Variants in PLIN3 observed in about 807,000 individuals in gnomAD.
The protein encoded by PLIN3 is perilipin-3.
A neutral mutation model predicts 35.9 loss-of-function variants in PLIN3; 30 were observed. That is an observed-to-expected ratio of 0.84 (90% CI 0.62 to 1.13). The LOEUF (loss-of-function observed/expected upper bound fraction) is 1.13, where lower values mean the gene tolerates loss of function less well. Ranked by LOEUF, PLIN3 falls within the 50% of genes most tolerant of loss-of-function variation. The pLI is 0.00. For synonymous variants in PLIN3, 261 were observed against 262.5 expected, an observed-to-expected ratio of 0.99 and a Z score of 0.06; for missense variants, 603 against 596.9, an observed-to-expected ratio of 1.01 and a Z score of -0.11.
At chr19:4,849,859 G>A (rs1003135816) in intron 5 of PLIN3, among the ~76,000 whole-genome samples, 4 of 151,374 alleles carry the variant, frequency 2.6e-5, no homozygotes, top group African/African-American at 9.7e-5. Flanking sequence ...CACCATGTTG[G>A]CCAGGCTGGT....
At chr19:4,862,105 A>AT (rs2030695638) in intron 1 of PLIN3, among the ~76,000 whole-genome samples, 2 of 144,428 alleles carry the variant, frequency 1.4e-5, no homozygotes, top group African/African-American at 5.1e-5. Context: ...CGCCTACTTA[A>AT]TTTTTTCTTT....
intron 4 of PLIN3, among the ~76,000 whole-genome samples, chr19:4,854,413 GTTTTT>G (rs35915790): frequency 2.5e-4 from 35 of 139,918 alleles, no homozygotes; most frequent in Admixed American, 6.6e-4. Context: ...TTTTGTTTTT[GTTTTT>G]TTTTACAGAG....
Position 4,861,322 on chromosome 19 carries a change from T to C in PLIN3, c.66+7A>G. 6.2e-7 allele frequency: 1 copy of C among 1,613,072 alleles called. No homozygotes were observed. The highest frequency in any genetic ancestry group is 1.1e-5 in the South Asian group (1 of 91,060). On this transcript the variant is annotated splice_region_variant and intron_variant, in intron 2 of 7. Transcript: ENST00000221957. ...CGGGGCAGTCCCTGGTCCCGGCCCT[T>C]CCTCACCTGCTGTACCGGTTCTTCC...
intron 7 of PLIN3, among the ~76,000 whole-genome samples, chr19:4,840,089 TCC>T (rs1396211352): frequency 2.0e-5 from 3 of 149,360 alleles, no homozygotes; most frequent in African/African-American, 7.4e-5. Context: ...TACCTCAGCC[TCC>T]CGAATAGCTA....
At chr19:4,849,894 A>G (rs2030230027) in intron 5 of PLIN3, among the ~76,000 whole-genome samples, 1 of 151,684 alleles carries the variant, frequency 6.6e-6, no homozygotes, top group Non-Finnish European at 1.5e-5. Flanking sequence ...CATGTGATCC[A>G]GCTGCCTCAG....
intron 5 of PLIN3, among the ~76,000 whole-genome samples, chr19:4,850,461 C>T (rs140026535): frequency 6.6e-6 from 1 of 151,924 alleles, no homozygotes; most frequent in African/African-American, 2.4e-5. Context: ...AGCTCTATTG[C>T]CCAGGCTGGA....
At chr19:4,842,112 G>A (rs928566910) in intron 7 of PLIN3, among the ~76,000 whole-genome samples, 1 of 151,414 alleles carries the variant, frequency 6.6e-6, no homozygotes, top group African/African-American at 2.4e-5. Flanking sequence ...CCAACATGGT[G>A]AGACCCCATC....
chr19:4,847,076 G>A (rs1279714809), intron 6 of PLIN3, among the ~76,000 whole-genome samples: 3 of 152,008 alleles, frequency 2.0e-5, no homozygotes, highest in East Asian at 1.9e-4. Context: ...TTTTAGTAGA[G>A]ATGGGGTTTC....
Position 4,856,634 on chromosome 19 carries a change from G to T in PLIN3, c.348+2956C>A, listed in dbSNP as rs1419089621. ...ACTGGACACAGCCACAAAGCAGGCAGCCTGTGCCCTGGTCCCAGCTGGGGA... is the reference window on the plus strand; with the variant it reads ...ACTGGACACAGCCACAAAGCAGGCATCCTGTGCCCTGGTCCCAGCTGGGGA... On this transcript the variant is annotated intron_variant, in intron 4 of 7. Transcript: ENST00000221957. 2.0e-5 allele frequency among the ~76,000 whole-genome samples: 3 copies of T among 151,640 alleles called. No individual in the cohort carries two copies. The East Asian group carries it at 5.8e-4, about 29-fold the overall frequency.
rs770818599 is a variant in PLIN3 at position 4,839,368 on chromosome 19, G to C, written c.1129C>G (p.His377Asp). The change falls in exon 8 of 8, where the codon CAC becomes GAC. Residue 377 changes from histidine (H) to aspartate (D), a missense_variant. Physicochemically the swap from His to Asp is moderately conservative, Grantham distance 81. Transcript: ENST00000221957. ...EDLQATFSSI[H>D]SFQDLSSSIL... ...CTGCTGGACAGGTCCTGGAAGGAGT[G>C]GATGCTGGAAAACGTGGCCTGGAGG... The C allele has an allele frequency of 1.2e-6, 2 of 1,613,558 alleles. No individual in the cohort carries two copies. Among genetic ancestry groups the C allele is most frequent in the South Asian group, 2.2e-5 (2 of 91,078 alleles).
chr19:4,852,679 T>G (rs1356622900), intron 4 of PLIN3, among the ~76,000 whole-genome samples: 4 of 152,054 alleles, frequency 2.6e-5, no homozygotes, highest in Non-Finnish European at 4.4e-5. Context: ...CTTGCTCTCT[T>G]GCCCAGGCTG....
At chr19:4,840,564 T>A (rs1046534033) in intron 7 of PLIN3, among the ~76,000 whole-genome samples, 3 of 152,132 alleles carry the variant, frequency 2.0e-5, no homozygotes, top group Non-Finnish European at 4.4e-5. Flanking sequence ...CTAGTCAAAT[T>A]CTTTAAAGGG....
chr19:4,847,930 C>T, intron 5 of PLIN3, 40 bp from the exon 6 acceptor site: 1 of 1,468,052 alleles, frequency 6.8e-7, no homozygotes, highest in Non-Finnish European at 9.5e-7. Flanking sequence ...AAGACCAGAA[C>T]ACACAGCTGG....
chr19:4,850,248 G>A (rs2062907), intron 5 of PLIN3, among the ~76,000 whole-genome samples: 92,197 of 151,026 alleles, frequency 0.61, 28,362 homozygotes, highest in South Asian at 0.65. Context: ...CCAGCTGCAT[G>A]TATTTATTTA....
chr19:4,840,276 T>TA (rs2029875360), intron 7 of PLIN3, among the ~76,000 whole-genome samples: 2 of 152,150 alleles, frequency 1.3e-5, no homozygotes, highest in South Asian at 4.1e-4. Context: ...TCTTTTCTTT[T>TA]AATTAGAAAC....
chr19:4,841,623 G>A (rs1325574517), intron 7 of PLIN3, among the ~76,000 whole-genome samples: 1 of 149,688 alleles, frequency 6.7e-6, no homozygotes, highest in Non-Finnish European at 1.5e-5. Flanking sequence ...AAAAAAGGCT[G>A]GGTGCGGTGG....
intron 1 of PLIN3, among the ~76,000 whole-genome samples, chr19:4,863,304 C>A (rs536588773): frequency 6.6e-6 from 1 of 151,736 alleles, no homozygotes; most frequent in African/African-American, 2.4e-5. Flanking sequence ...TCGAGACCAG[C>A]CTGACCAACA....
chr19:4,861,630 CTTTT>C (rs940914509), intron 1 of PLIN3, among the ~76,000 whole-genome samples: 1 of 147,500 alleles, frequency 6.8e-6, no homozygotes, highest in Admixed American at 6.8e-5. Context: ...CCCCCTATTT[CTTTT>C]TTTTTTTCTT....
chr19:4,844,108 A>G (rs532642238), intron 7 of PLIN3, among the ~76,000 whole-genome samples: 1 of 152,172 alleles, frequency 6.6e-6, no homozygotes, highest in South Asian at 2.1e-4. Context: ...GAGACCCATT[A>G]GAGAACACAA....
Sources: gnomAD v4.1 joint callset for allele counts (sites outside exome capture counted in the v4.1 genomes callset) on GRCh38, gnomAD v4.1.1 for gene constraint, MANE v1.5 for transcripts, NCBI Gene and HGNC (gene_info 2026-07-23, HGNC 2026-07-21) for gene names.